The following CDH3 variants were observed in gnomAD, a reference collection of about 807,000 sequenced individuals.
The protein encoded by CDH3 is cadherin 3, also known as cadherin-3.
A neutral mutation model predicts 82.0 loss-of-function variants in CDH3; 54 were observed. The observed-to-expected ratio is 0.66, with a 90% CI of 0.53 to 0.83. The LOEUF (loss-of-function observed/expected upper bound fraction) is 0.83. Ranked by LOEUF, CDH3 falls within the 40% of genes least tolerant of loss-of-function variation. The pLI is 0.00. For missense variants in CDH3, 1,054 were observed against 1,084.6 expected, an observed-to-expected ratio of 0.97 and a Z score of 0.40; for synonymous variants, 446 against 437.9, an observed-to-expected ratio of 1.02 and a Z score of -0.23.
At chr16:68,713,185 A>G (rs1429229104) in intron 1 of CDH3, among the ~76,000 whole-genome samples, 2 of 152,040 alleles carry the variant, frequency 1.3e-5, no homozygotes, top group African/African-American at 4.8e-5. Flanking sequence ...GATCTATCTC[A>G]TACATTGTTT....
intron 2 of CDH3, among the ~76,000 whole-genome samples, chr16:68,654,210 C>T (rs1380097766): frequency 2.0e-5 from 3 of 149,726 alleles, no homozygotes; most frequent in African/African-American, 7.4e-5. Flanking sequence ...CAGGCATGTG[C>T]CACCATGCCC....
intron 1 of CDH3, among the ~76,000 whole-genome samples, chr16:68,708,257 G>C (rs1371760406): frequency 6.6e-6 from 1 of 151,874 alleles, no homozygotes. Context: ...AACCTGGGAG[G>C]TGGAGGTTGC....
chr16:68,710,931 G>A (rs912352630), intron 1 of CDH3, among the ~76,000 whole-genome samples: 3 of 133,552 alleles, frequency 2.2e-5, no homozygotes, highest in Non-Finnish European at 4.9e-5. Context: ...GGGAAGGAGA[G>A]AAGGGAGGGG....
Position 68,678,166 on chromosome 16 carries a change from G to T in CDH3, c.279G>T (p.Leu93Phe). ...GGTCACTGAAGGAAAGGAATCCATT[G>T]AAGATCTTCCCATCCAAACGTATCT... ...ERRSLKERNPLKIFPSKRILR... is the reference protein window; with the variant it reads ...ERRSLKERNPFKIFPSKRILR... Residue 93 changes from leucine (L) to phenylalanine (F), a missense_variant, in exon 4 of 16, where the codon TTG becomes TTT. By Grantham distance (22) the Leu-to-Phe change is conservative. Coordinates refer to ENST00000264012, the MANE Select transcript of CDH3 (RefSeq NM_001793.6). 6.2e-7 allele frequency: 1 copy of T among 1,613,966 alleles called. No individual in the cohort carries two copies. The highest frequency in any genetic ancestry group is 1.1e-5 in the South Asian group (1 of 91,072).
chr16:68,676,038 TC>T, intron 2 of CDH3, among the ~76,000 whole-genome samples: 1 of 152,034 alleles, frequency 6.6e-6, no homozygotes, highest in East Asian at 1.9e-4. Context: ...CTTCAGAAAA[TC>T]TTCTGCCTCT....
intron 3 of CDH3, among the ~76,000 whole-genome samples, 173 bp downstream of exon 3, chr16:68,676,643 G>A (rs372670478): frequency 5.3e-5 from 8 of 152,166 alleles, no homozygotes; most frequent in East Asian, 3.9e-4. Context: ...TGATCTAAGG[G>A]GGGTAGTGCT....
In CDH3 at chr16:68,645,649, A is replaced by G. The variant is rs1960033029; in HGVS notation, c.59A>G (p.Gln20Arg). The part of the protein sequence containing the change: ...SLLLLQVCWL[Q>R]CAASEPCRAV... ...CCTCGGGCGCAGGTTTGCTGGCTGCAGTGCGCGGCCTCCGAGCCGTGCCGG... is the reference window on the plus strand; with the variant it reads ...CCTCGGGCGCAGGTTTGCTGGCTGCGGTGCGCGGCCTCCGAGCCGTGCCGG... The change falls in exon 2 of 16, where the codon CAG (glutamine) becomes CGG (arginine). Residue 20 changes from glutamine (Q) to arginine (R), a missense_variant. Gln to Arg is a conservative substitution (Grantham distance 43). Transcript: ENST00000264012. 6.5e-7 allele frequency: 1 copy of G among 1,542,572 alleles called. No homozygotes were observed.
chr16:68,658,343 T>C (rs981109285), intron 2 of CDH3, among the ~76,000 whole-genome samples: 1 of 151,896 alleles, frequency 6.6e-6, no homozygotes, highest in Non-Finnish European at 1.5e-5. Flanking sequence ...AAGGGAAAAA[T>C]GGATTCTAAG....
At chr16:68,729,600 A>G (rs1199569426), downstream of CDH3, among the ~76,000 whole-genome samples, 1 of 152,142 alleles carries the variant, frequency 6.6e-6, no homozygotes, top group Admixed American at 6.6e-5. Flanking sequence ...AGACAAAAGT[A>G]AAATGTGGCT....
In CDH3 at chr16:68,698,540, G is replaced by C. The variant is rs1961817726; in HGVS notation, c.*140G>C. ...CTTGGCGGAGACAGGCTATGAGTCT[G>C]ACGTTAGAGTGGTGGCTTCCTTAGC... On this transcript the variant is annotated 3_prime_UTR_variant, in exon 16 of 16. Transcript: ENST00000264012. The C allele has an allele frequency of 4.1e-6, 3 of 724,030 alleles. No homozygotes were observed. The highest frequency in any genetic ancestry group is 7.1e-6 in the Non-Finnish European group (3 of 422,422). 44.9% of individuals were successfully genotyped at this position (724,030 alleles called of 1,614,324 possible). A position where few individuals can be genotyped will look rare whatever the true frequency, so the allele number is the denominator to read the frequency against.
At chr16:68,676,128 C>G (rs900138660) in intron 2 of CDH3, among the ~76,000 whole-genome samples, 1 of 152,184 alleles carries the variant, frequency 6.6e-6, no homozygotes, top group African/African-American at 2.4e-5. Context: ...TCTTGGTCCT[C>G]TGGGACCAAG....
At chr16:68,684,846 T>A (rs749141896) in intron 10 of CDH3, 22 bp downstream of exon 10, 2 of 1,613,998 alleles carry the variant, frequency 1.2e-6, no homozygotes, top group Non-Finnish European at 1.7e-6. Flanking sequence ...CTGGGCTCAG[T>A]AAGCAGCACG....
Position 68,698,541 on chromosome 16 carries a change from A to T in CDH3, c.*141A>T, listed in dbSNP as rs1279687536. The T allele has an allele frequency of 2.8e-6, 2 of 716,528 alleles. No homozygotes were observed. The highest frequency in any genetic ancestry group is 4.8e-6 in the Non-Finnish European group (2 of 418,366). 44.4% of individuals were successfully genotyped at this position (716,528 alleles called of 1,614,324 possible). ...TTGGCGGAGACAGGCTATGAGTCTG[A>T]CGTTAGAGTGGTGGCTTCCTTAGCC... On this transcript the variant is annotated 3_prime_UTR_variant, in exon 16 of 16. Coordinates refer to ENST00000264012, the MANE Select transcript of CDH3 (RefSeq NM_001793.6).
At chr16:68,649,114 G>A (rs947441280) in intron 2 of CDH3, among the ~76,000 whole-genome samples, 7 of 152,114 alleles carry the variant, frequency 4.6e-5, no homozygotes, top group Non-Finnish European at 7.4e-5. Flanking sequence ...TGGTATTAGT[G>A]CAGTGATTAA....
intron 2 of CDH3, among the ~76,000 whole-genome samples, chr16:68,658,555 C>G (rs892179152): frequency 2.6e-5 from 4 of 152,140 alleles, no homozygotes; most frequent in African/African-American, 9.7e-5. Context: ...TGAAGGCTGA[C>G]TGCCTTCTGA....
chr16:68,646,560 G>C (rs1421475580), intron 2 of CDH3, among the ~76,000 whole-genome samples: 1 of 151,610 alleles, frequency 6.6e-6, no homozygotes, highest in Non-Finnish European at 1.5e-5. Context: ...TGCAACGTTA[G>C]TGAGGAGAAC....
chr16:68,656,123 G>A (rs1960403978), intron 2 of CDH3, among the ~76,000 whole-genome samples: 1 of 152,148 alleles, frequency 6.6e-6, no homozygotes, highest in South Asian at 2.1e-4. Context: ...AGCCAGTGAG[G>A]CATAGGCAGG....
intron 12 of CDH3, among the ~76,000 whole-genome samples, chr16:68,688,902 G>T (rs1312322286): frequency 6.6e-6 from 1 of 152,124 alleles, no homozygotes; most frequent in Non-Finnish European, 1.5e-5. Context: ...TTACAAGCAT[G>T]AGCCACCACA....
At chr16:68,645,830 C>G in intron 2 of CDH3, 80 bp downstream of exon 2, 1 of 1,109,784 alleles carries the variant, frequency 9.0e-7, no homozygotes, top group Non-Finnish European at 1.3e-6. Context: ...GGTGTTCGGG[C>G]CGGGGCAAGG....
Sources: gnomAD v4.1 joint callset for allele counts (sites outside exome capture counted in the v4.1 genomes callset) on GRCh38, gnomAD v4.1.1 for gene constraint, MANE v1.5 for transcripts, NCBI Gene and HGNC (gene_info 2026-07-23, HGNC 2026-07-21) for gene names.